RBM41: variants seen among roughly 807,000 people sequenced by gnomAD.
RBM41 encodes RNA-binding protein 41.
Under a neutral mutation model 30.8 loss-of-function variants are expected in RBM41, and 14 were observed. That is an observed-to-expected ratio of 0.45 (90% confidence interval 0.30 to 0.71). The LOEUF is 0.71. RBM41 is among the 30% of genes least tolerant of loss of function. The pLI, the probability that RBM41 is intolerant of heterozygous loss-of-function variation, is 0.08. For missense variants in RBM41, 276 were observed against 326.3 expected (o/e 0.85, Z 1.19); for synonymous variants, 120 against 110.1 (o/e 1.09, Z -0.56).
At chrX:107,111,242 T>C (rs1924436388) in intron 5 of RBM41, among the ~76,000 whole-genome samples, 1 of 111,425 alleles carries the variant, frequency 9.0e-6, no homozygotes, top group African/African-American at 3.3e-5. Flanking sequence ...TCTGAACAGA[T>C]ACATCTCCAA....
chrX:107,115,176 T>C (rs1012787550), intron 4 of RBM41, 176 bp downstream of exon 4: 8 of 479,901 alleles, frequency 1.7e-5, no homozygotes. Flanking sequence ...AGTTTCCATG[T>C]TGTCATGCAA....
At chrX:107,080,345 G>A (rs1161520864) in intron 6 of RBM41, among the ~76,000 whole-genome samples, 4 of 110,693 alleles carry the variant, frequency 3.6e-5, no homozygotes, top group Non-Finnish European at 5.7e-5. Flanking sequence ...ATGGGAGGCC[G>A]AGGCAAGCAA....
rs1175099745 is a variant in RBM41, at chrX:107,075,591, T to G, written c.1000-6189A>C. 2.7e-5 allele frequency among the ~76,000 whole-genome samples: 3 copies of G among 112,046 alleles called. No homozygotes were observed. The East Asian group carries it at 8.3e-4, about 31-fold the overall frequency. ...ATGGGCAAAAGACTTAAACAGACAT[T>G]TCTCCAAAGAGATATAAATAGCCAA... On this transcript the variant is annotated intron_variant, in intron 6 of 7. Transcript: ENST00000685964.
intron 5 of RBM41, among the ~76,000 whole-genome samples, chrX:107,108,771 G>A (rs890311155): frequency 3.6e-5 from 4 of 111,098 alleles, no homozygotes; most frequent in Admixed American, 2.9e-4. Context: ...CAACAACCTT[G>A]CAACAACAGA....
intron 2 of RBM41, 172 bp from the exon 3 acceptor site, chrX:107,116,226 G>A (rs1602623220): frequency 4.1e-6 from 4 of 975,289 alleles, no homozygotes; most frequent in Non-Finnish European, 2.6e-6. Flanking sequence ...CGAGAGTGCC[G>A]TCATCCAGGA....
chrX:107,098,026 A>G (rs1404248282), intron 5 of RBM41, among the ~76,000 whole-genome samples: 2 of 112,089 alleles, frequency 1.8e-5, no homozygotes, highest in African/African-American at 6.5e-5. Context: ...GAACACTTAC[A>G]ATAGGTGGAT....
rs1477322054 is a variant in RBM41, at chrX:107,065,578, TTAATA to T, written c.*1944_*1948del. 2.7e-6 allele frequency: 1 copy of T among 364,819 alleles called. No individual in the cohort carries two copies. The highest frequency in any genetic ancestry group is 4.5e-6 in the Non-Finnish European group (1 of 221,971). The allele number at this position is 364,819 out of a possible 1,213,427, so 30.1% of individuals were successfully genotyped here. On this transcript the variant is annotated 3_prime_UTR_variant, in exon 8 of 8. Transcript: ENST00000685964. Reference sequence around the variant, plus strand: ...ACCCAACACACATTATTATAATTACTTAATATAATTTTACATCTTTAAAAGAAGCT... The same window carrying T: ...ACCCAACACACATTATTATAATTACTTAATTTTACATCTTTAAAAGAAGCT...
chrX:107,053,870 C>G, the RBM41 span, among the ~76,000 whole-genome samples: 1 of 112,084 alleles, frequency 8.9e-6, no homozygotes, highest in African/African-American at 3.2e-5. Flanking sequence ...ATCATTTTCC[C>G]TGTCCAATAA....
rs1006762546 is a variant in RBM41, at chrX:107,065,875, AGATT to A, written c.*1648_*1651del. On this transcript the variant is annotated 3_prime_UTR_variant, in exon 8 of 8. Coordinates refer to ENST00000685964, the MANE Select transcript of RBM41 (RefSeq NM_001324242.2). ...GTTAAGAGAAAAAAGAAAAATGCAT[AGATT>A]GTTTCTGATAATTACATAATTATTT... 15 of 702,256 alleles carry A rather than the reference AGATT, an allele frequency of 2.1e-5. No individual in the cohort carries two copies. The highest frequency in any genetic ancestry group is 5.5e-5 in the Admixed American group (1 of 18,343). 57.9% of individuals were successfully genotyped at this position (702,256 alleles called of 1,213,427 possible). A position where few individuals can be genotyped will look rare whatever the true frequency, so the allele number is the denominator to read the frequency against.
intron 5 of RBM41, among the ~76,000 whole-genome samples, chrX:107,103,450 C>T (rs1168545704): frequency 3.5e-4 from 39 of 110,459 alleles, no homozygotes; most frequent in Non-Finnish European, 1.5e-4. Context: ...CTTACCAGAG[C>T]TAGAAGAAGT....
At chrX:107,080,050 G>A (rs768656377) in intron 6 of RBM41, among the ~76,000 whole-genome samples, 11 of 111,544 alleles carry the variant, frequency 9.9e-5, no homozygotes, top group South Asian at 3.8e-4. Flanking sequence ...GACTGCTTCC[G>A]GTTTTTGGCA....
At chrX:107,053,705 TA>T in the RBM41 span, among the ~76,000 whole-genome samples, 34 of 111,018 alleles carry the variant, frequency 3.1e-4, no homozygotes, top group South Asian at 0.013. Flanking sequence ...TTGTAGGGGC[TA>T]GGGGTGCTAT....
chrX:107,078,894 A>C (rs1051526293), intron 6 of RBM41, among the ~76,000 whole-genome samples: 22 of 110,730 alleles, frequency 2.0e-4, no homozygotes, highest in Admixed American at 5.8e-4. Flanking sequence ...AAAAAAAAAA[A>C]CATAAAATCA....
chrX:107,088,354 A>T, intron 6 of RBM41, 82 bp downstream of exon 6: 1 of 941,099 alleles, frequency 1.1e-6, no homozygotes, highest in Middle Eastern at 2.8e-4. Flanking sequence ...GTATAATCAA[A>T]GCTAATTTAA....
Position 107,113,349 on chromosome X carries a change from C to T in RBM41, c.595+48G>A, listed in dbSNP as rs1055435173. On this transcript the variant is annotated intron_variant, in intron 5 of 7. Coordinates refer to ENST00000685964, the MANE Select transcript of RBM41 (RefSeq NM_001324242.2). ...ATTAAATAAGTGCTCAACTGGGACC[C>T]TAGGTTACATTCCTAAGTCTAACAC... The T allele has an allele frequency of 4.1e-6, 4 of 978,722 alleles. No homozygotes were observed. In the African/African-American group the frequency reaches 8.0e-5, roughly 20 times the overall value. 80.7% of individuals were successfully genotyped at this position (978,722 alleles called of 1,213,427 possible). A position where few individuals can be genotyped will look rare whatever the true frequency, so the allele number is the denominator to read the frequency against.
rs973413853 is a variant in RBM41, at chrX:107,072,213, A to G, written c.1000-2811T>C. 8.6e-5 allele frequency among the ~76,000 whole-genome samples: 9 copies of G among 104,504 alleles called. No homozygotes were observed. In the Admixed American group the frequency reaches 9.4e-4, roughly 11 times the overall value. 90.7% of individuals were successfully genotyped at this position (104,504 alleles called of 115,157 possible). Reference sequence around the variant, plus strand: ...GTCAAATTGTCCCTGTTTGCAGACAACATGATCTTATATAGAGAAAAACCT... The same window carrying G: ...GTCAAATTGTCCCTGTTTGCAGACAGCATGATCTTATATAGAGAAAAACCT... On this transcript the variant is annotated intron_variant, in intron 6 of 7. Coordinates refer to ENST00000685964, the MANE Select transcript of RBM41 (RefSeq NM_001324242.2).
In RBM41 at chrX:107,118,779, C is replaced by T. The variant is rs1437495177; in HGVS notation, c.-6G>A. 2 of 1,209,928 alleles carry T rather than the reference C, an allele frequency of 1.7e-6. No homozygotes were observed. The highest frequency in any genetic ancestry group is 1.8e-5 in the South Asian group (1 of 56,790). ...ACAAGTCCTTACCTCTTCATGTTTC[C>T]ACAGGCCCCTACCTCCAACTTGGGT... On this transcript the variant is annotated 5_prime_UTR_variant, in exon 1 of 8. Transcript: ENST00000685964.
chrX:107,113,871 C>T (rs186527915), intron 4 of RBM41, among the ~76,000 whole-genome samples: 2 of 111,848 alleles, frequency 1.8e-5, no homozygotes, highest in African/African-American at 6.5e-5. Context: ...TCCATTCTCA[C>T]GGCCTTAACA....
chrX:107,104,869 A>G (rs1923805816), intron 5 of RBM41, among the ~76,000 whole-genome samples: 2 of 111,026 alleles, frequency 1.8e-5, no homozygotes, highest in South Asian at 7.7e-4. Flanking sequence ...GACGTACCTC[A>G]AAATAATAAG....
Sources: allele counts gnomAD v4.1 joint callset (sites outside exome capture counted in the v4.1 genomes callset), GRCh38; gene constraint gnomAD v4.1.1; transcripts MANE v1.5; gene names NCBI Gene and HGNC (gene_info 2026-07-23, HGNC 2026-07-21).